Variants in ISM1 observed in about 807,000 individuals in gnomAD.
ISM1 encodes isthmin 1.
A neutral mutation model predicts 46.3 loss-of-function variants in ISM1; 25 were observed. The ratio of observed to expected loss-of-function variants is 0.54; its 90% confidence interval spans 0.39 to 0.75. ISM1 has a LOEUF of 0.75. ISM1 is among the 30% of genes least tolerant of loss of function. ISM1 has a pLI of 0.00. For synonymous variants in ISM1, 255 were observed against 256.7 expected, an observed-to-expected ratio of 0.99 and a Z score of 0.06; for missense variants, 536 against 625.4, an observed-to-expected ratio of 0.86 and a Z score of 1.52.
At chr20:13,321,561 G>C in the ISM1 span, among the ~76,000 whole-genome samples, 3 of 152,150 alleles carry the variant, frequency 2.0e-5, no homozygotes, top group Non-Finnish European at 2.9e-5. Flanking sequence ...GCCTAGGCCT[G>C]GTGCCTTGAA....
chr20:13,229,761 A>G (rs1331206794), intron 1 of ISM1, among the ~76,000 whole-genome samples: 1 of 152,226 alleles, frequency 6.6e-6, no homozygotes, highest in East Asian at 1.9e-4. Context: ...TAGAGATCTC[A>G]CTTTCCTTTT....
At chr20:13,316,939 A>G in the ISM1 span, among the ~76,000 whole-genome samples, 1 of 151,908 alleles carries the variant, frequency 6.6e-6, no homozygotes, top group African/African-American at 2.4e-5. Context: ...ATCTAATGCA[A>G]TAAGACAAGA....
chr20:13,318,807 T>G, the ISM1 span, among the ~76,000 whole-genome samples: 1 of 152,156 alleles, frequency 6.6e-6, no homozygotes, highest in African/African-American at 2.4e-5. Flanking sequence ...TCCAACTACA[T>G]AGCCTTCTAG....
chr20:13,286,453 G>A (rs913379164), intron 3 of ISM1, among the ~76,000 whole-genome samples: 5 of 152,178 alleles, frequency 3.3e-5, no homozygotes, highest in African/African-American at 4.8e-5. Context: ...GAAGGCAGCC[G>A]AATTTCCTGA....
chr20:13,262,968 A>T (rs1387365400), intron 1 of ISM1, among the ~76,000 whole-genome samples: 1 of 152,208 alleles, frequency 6.6e-6, no homozygotes, highest in Non-Finnish European at 1.5e-5. Context: ...AGACCGTGAC[A>T]GCAGGCTCCA....
rs1485572488 is a variant in ISM1 at position 13,221,683 on chromosome 20, G to C, written c.-94G>C. Reference sequence around the variant, plus strand: ...CGGGAGCCGAGGCGGGAGCCGCGCTGCCGGGCTCCCGGGCTCCTACTCCTC... The same window carrying C: ...CGGGAGCCGAGGCGGGAGCCGCGCTCCCGGGCTCCCGGGCTCCTACTCCTC... On this transcript the variant is annotated 5_prime_UTR_variant, in exon 1 of 6. Coordinates refer to ENST00000262487, the MANE Select transcript of ISM1 (RefSeq NM_080826.2). 13 of 1,116,016 alleles carry C rather than the reference G, an allele frequency of 1.2e-5. No individual in the cohort carries two copies. Among genetic ancestry groups the C allele is most frequent in the Non-Finnish European group, 1.4e-5 (12 of 885,052 alleles). 69.1% of individuals were successfully genotyped at this position (1,116,016 alleles called of 1,614,324 possible). A position where few individuals can be genotyped will look rare whatever the true frequency, so the allele number is the denominator to read the frequency against.
chr20:13,241,795 C>G (rs2039727390), intron 1 of ISM1, among the ~76,000 whole-genome samples: 1 of 152,066 alleles, frequency 6.6e-6, no homozygotes, highest in African/African-American at 2.4e-5. Context: ...TAAAATAAAG[C>G]AAGTTTGTCA....
At chr20:13,298,365 C>T (rs2040426984) in intron 5 of ISM1, among the ~76,000 whole-genome samples, 1 of 152,184 alleles carries the variant, frequency 6.6e-6, no homozygotes, top group South Asian at 2.1e-4. Flanking sequence ...ATCCGCCCGC[C>T]TCAGCCTCCC....
At chr20:13,321,275 A>AAAAAAAAAAAAAAAAAAAAAAT in the ISM1 span, among the ~76,000 whole-genome samples, 3 of 150,524 alleles carry the variant, frequency 2.0e-5, no homozygotes, top group African/African-American at 7.3e-5. Context: ...AAAAAAAAAA[A>AAAAAAAAAAAAAAAAAAAAAAT]AGATTTTATG....
At chr20:13,257,764 C>A (rs1468612909) in intron 1 of ISM1, among the ~76,000 whole-genome samples, 1 of 150,772 alleles carries the variant, frequency 6.6e-6, no homozygotes, top group African/African-American at 2.4e-5. Flanking sequence ...AGTCAGGGAG[C>A]AGAGTTGAGA....
At chr20:13,326,184 A>C in the ISM1 span, among the ~76,000 whole-genome samples, 2 of 152,308 alleles carry the variant, frequency 1.3e-5, no homozygotes, top group African/African-American at 4.8e-5. Flanking sequence ...CCATGTATGG[A>C]TGCACCAGAG....
the ISM1 span, among the ~76,000 whole-genome samples, chr20:13,315,540 G>A: frequency 1.3e-5 from 2 of 151,916 alleles, no homozygotes; most frequent in African/African-American, 4.8e-5. Context: ...ACATGAGAAA[G>A]AAACTAATAG....
chr20:13,240,019 A>G (rs373674473), intron 1 of ISM1, among the ~76,000 whole-genome samples: 1 of 152,230 alleles, frequency 6.6e-6, no homozygotes, highest in Admixed American at 6.5e-5. Context: ...AGGAGCAGAA[A>G]GGTAATTAAA....
chr20:13,303,409 G>A (rs912939950), downstream of ISM1, among the ~76,000 whole-genome samples: 1 of 152,222 alleles, frequency 6.6e-6, no homozygotes, highest in African/African-American at 2.4e-5. Context: ...AAGTCACAAA[G>A]CTCAACATTT....
chr20:13,308,972 A>C, the ISM1 span, among the ~76,000 whole-genome samples: 1 of 152,146 alleles, frequency 6.6e-6, no homozygotes, highest in Non-Finnish European at 1.5e-5. Flanking sequence ...CCATGCTAGC[A>C]CCTTGATCTC....
intron 1 of ISM1, among the ~76,000 whole-genome samples, chr20:13,259,214 G>A (rs1023106954): frequency 6.6e-6 from 1 of 151,462 alleles, no homozygotes; most frequent in Admixed American, 6.6e-5. Flanking sequence ...CCAGGAGGCG[G>A]AGGTTGCAGT....
At chr20:13,248,144 C>G (rs918379262) in intron 1 of ISM1, among the ~76,000 whole-genome samples, 1 of 152,182 alleles carries the variant, frequency 6.6e-6, no homozygotes, top group African/African-American at 2.4e-5. Flanking sequence ...GTTGTGGCTG[C>G]CCGATTCATA....
chr20:13,265,945 A>G (rs574238378), intron 1 of ISM1, among the ~76,000 whole-genome samples: 1 of 152,300 alleles, frequency 6.6e-6, no homozygotes, highest in South Asian at 2.1e-4. Flanking sequence ...CTTAGACTAC[A>G]GCCTCCATCC....
chr20:13,228,473 GA>G (rs2039553642), intron 1 of ISM1, among the ~76,000 whole-genome samples: 1 of 152,092 alleles, frequency 6.6e-6, no homozygotes, highest in South Asian at 2.1e-4. Flanking sequence ...AGAATTTTAA[GA>G]ATAGAATTTA....
Sources: gnomAD v4.1 joint callset for allele counts (sites outside exome capture counted in the v4.1 genomes callset) on GRCh38, gnomAD v4.1.1 for gene constraint, MANE v1.5 for transcripts, NCBI Gene and HGNC (gene_info 2026-07-23, HGNC 2026-07-21) for gene names.